Variants in FADS1 observed in about 807,000 individuals in gnomAD.
FADS1 encodes the protein fatty acid desaturase 1.
FADS1 carries 17 observed loss-of-function variants against 61.6 expected under a neutral mutation model. The observed-to-expected ratio is 0.28, with a 90% confidence interval of 0.19 to 0.41. The LOEUF is 0.41. FADS1 is among the 10% of genes least tolerant of loss of function. The probability of loss-of-function intolerance (pLI) is 1.00; values close to 1 mark genes in which losing one functional copy is unlikely to be tolerated. For missense variants in FADS1, 387 were observed against 650.9 expected, an observed-to-expected ratio of 0.59 and a Z score of 4.41; for synonymous variants, 238 against 258.7, an observed-to-expected ratio of 0.92 and a Z score of 0.77.
Position 61,803,223 on chromosome 11 carries a change from C to T in FADS1, c.1249-112G>A. 8.0e-7 allele frequency: 1 copy of T among 1,251,650 alleles called. No individual in the cohort carries two copies. The allele number at this position is 1,251,650 out of a possible 1,614,324, so 77.5% of individuals were successfully genotyped here. On this transcript the variant is annotated intron_variant, in intron 9 of 11. Coordinates refer to ENST00000350997, the MANE Select transcript of FADS1 (RefSeq NM_013402.7). This position sits in a 1 kb window ranked among gnomAD's most constrained non-coding sequence, Gnocchi z 4.3. Reference sequence around the variant, plus strand: ...GGACATGAGACTGTCTTGGTCACTCCCTTCACATGGTTGCAGAACAAGAGC... The same window carrying T: ...GGACATGAGACTGTCTTGGTCACTCTCTTCACATGGTTGCAGAACAAGAGC...
At chr11:61,814,806 A>G (rs2066962116) in intron 1 of FADS1, 1 of 152,220 alleles carries the variant, frequency 6.6e-6, no homozygotes, top group African/African-American at 2.4e-5. Context: ...CTCTAGATAC[A>G]GAAAAGTTCT....
chr11:61,812,201 A>G (rs1162821147), intron 3 of FADS1, among the ~76,000 whole-genome samples: 1 of 152,246 alleles, frequency 6.6e-6, no homozygotes, highest in African/African-American at 2.4e-5. Context: ...CTCCTGGCAC[A>G]GGTGGGCTGT....
chr11:61,816,524 C>T lies in FADS1; in HGVS notation c.375+31G>A, dbSNP rs2066985563. ...CCTGCACTCAGCCTCCGGTCCCGCC[C>T]TCTCCTGTGCCCCCGCCTGGCTGCG... On this transcript the variant is annotated intron_variant, in intron 1 of 11. Coordinates refer to ENST00000350997, the MANE Select transcript of FADS1 (RefSeq NM_013402.7). This position sits in a 1 kb window ranked among gnomAD's most constrained non-coding sequence, Gnocchi z 7.0. 1 of 1,596,950 alleles carries T rather than the reference C, an allele frequency of 6.3e-7. No individual in the cohort carries two copies. The highest frequency in any genetic ancestry group is 8.5e-7 in the Non-Finnish European group (1 of 1,173,668).
At position 61,803,307 on chromosome 11, in the gene FADS1, C is replaced by T. The variant is rs1483794647; in HGVS notation, c.1248+56G>A. 15 of 1,457,566 alleles carry T rather than the reference C, an allele frequency of 1.0e-5. No individual in the cohort carries two copies. The highest frequency in any genetic ancestry group is 2.3e-5 in the South Asian group (2 of 87,848). 90.3% of individuals were successfully genotyped at this position (1,457,566 alleles called of 1,614,324 possible). Reference sequence around the variant, plus strand: ...TTTTTGTTTTTGCTGTTTTCACCTACGCATCCTTTTCAATAGTTGTGTTAT... The same window carrying T: ...TTTTTGTTTTTGCTGTTTTCACCTATGCATCCTTTTCAATAGTTGTGTTAT... On this transcript the variant is annotated intron_variant, in intron 9 of 11. Coordinates refer to ENST00000350997, the MANE Select transcript of FADS1 (RefSeq NM_013402.7). This position sits in a 1 kb window ranked among gnomAD's most constrained non-coding sequence, Gnocchi z 4.3.
intron 1 of FADS1, 179 bp from the exon 2 acceptor site, chr11:61,813,532 GGTTT>G (rs2066946777): frequency 1.7e-6 from 1 of 585,262 alleles, no homozygotes. Context: ...TGTAGCTAGA[GGTTT>G]GTAAAATGCA....
At chr11:61,805,500 A>G (rs761497566) in intron 6 of FADS1, 2 of 152,178 alleles carry the variant, frequency 1.3e-5, no homozygotes, top group Non-Finnish European at 2.9e-5. Context: ...TAGCATGACA[A>G]TGCTCACCCA....
chr11:61,813,160 GAT>G, intron 2 of FADS1, 81 bp downstream of exon 2: 2 of 842,316 alleles, frequency 2.4e-6, no homozygotes, highest in Non-Finnish European at 4.1e-6. Flanking sequence ...CTATGACTGT[GAT>G]CCCATCTAGA....
chr11:61,809,807 A>G (rs2066919323), intron 5 of FADS1, among the ~76,000 whole-genome samples: 1 of 152,180 alleles, frequency 6.6e-6, no homozygotes, highest in Non-Finnish European at 1.5e-5. Flanking sequence ...CATGATGGGA[A>G]AATAAGAACA....
rs1264502464 is a variant in FADS1, at chr11:61,801,685, C to CT, written c.*725dup. The CT allele has an allele frequency of 1.3e-5, 2 of 152,612 alleles. No individual in the cohort carries two copies. The highest frequency in any genetic ancestry group is 3.8e-4 in the East Asian group (2 of 5,332). 9.5% of individuals were successfully genotyped at this position (152,612 alleles called of 1,614,324 possible). ...AGCCTAAGGCAGACATAGGTCATAC[C>CT]TATCCCTGGGCAGCGAGCTGAGCTC... On this transcript the variant is annotated 3_prime_UTR_variant, in exon 12 of 12. Coordinates refer to ENST00000350997, the MANE Select transcript of FADS1 (RefSeq NM_013402.7).
chr11:61,803,082 A>G lies in FADS1; in HGVS notation c.1278T>C (p.Ser426=). Residue 426 remains serine, a synonymous_variant, in exon 10 of 12, where the codon TCT becomes TCC. Coordinates refer to ENST00000350997, the MANE Select transcript of FADS1 (RefSeq NM_013402.7). The surrounding 1 kb of genome is among the most constrained non-coding windows in gnomAD (Gnocchi z 4.3). ...GTCCACTGAACCAGTCATTGAAGGC[A>G]GACTTGTGGACATTGCATGTGGCCT... ...QLQATCNVHK[S]AFNDWFSGHL... 6.2e-7 allele frequency: 1 copy of G among 1,614,152 alleles called. No homozygotes were observed. The highest frequency in any genetic ancestry group is 8.5e-7 in the Non-Finnish European group (1 of 1,180,014).
In FADS1 at chr11:61,816,969, C is replaced by T. The variant is rs1163404450; in HGVS notation, c.-40G>A. On this transcript the variant is annotated 5_prime_UTR_variant, in exon 1 of 12. Transcript: ENST00000350997. This position sits in a 1 kb window ranked among gnomAD's most constrained non-coding sequence, Gnocchi z 7.0. ...GGCGCGGGGAGCGAGATCCCGTCCC[C>T]CGGTGGGTCTTGGGCAACTCACAGC... 6 of 1,369,142 alleles carry T rather than the reference C, an allele frequency of 4.4e-6. No homozygotes were observed. The South Asian group carries it at 6.8e-5, about 16-fold the overall frequency. 84.8% of individuals were successfully genotyped at this position (1,369,142 alleles called of 1,614,324 possible).
Position 61,802,550 on chromosome 11 carries a change from C to T in FADS1, c.1455-88G>A. On this transcript the variant is annotated intron_variant, in intron 11 of 11. Coordinates refer to ENST00000350997, the MANE Select transcript of FADS1 (RefSeq NM_013402.7). This position sits in a 1 kb window ranked among gnomAD's most constrained non-coding sequence, Gnocchi z 4.2. ...GGAGCAGTGAGGTTAAGGCCTTCTT[C>T]CATCTGGAGGTTTTCCTCCCCTCTA... 1.5e-6 allele frequency: 2 copies of T among 1,347,334 alleles called. No individual in the cohort carries two copies. The highest frequency in any genetic ancestry group is 2.1e-6 in the Non-Finnish European group (2 of 962,970). 83.5% of individuals were successfully genotyped at this position (1,347,334 alleles called of 1,614,324 possible).
chr11:61,807,693 C>T (rs1161376508), intron 5 of FADS1, among the ~76,000 whole-genome samples: 2 of 152,164 alleles, frequency 1.3e-5, no homozygotes, highest in Non-Finnish European at 2.9e-5. Context: ...CTGATGTGGG[C>T]TCACAAACAA....
Position 61,815,565 on chromosome 11 carries a change from G to A in FADS1, c.375+990C>T. Reference sequence around the variant, plus strand: ...AGAGGGGGATGCAAGGGGAGGGGACGCCATTCTGGCCGCCAAGGGGGAAAC... The same window carrying A: ...AGAGGGGGATGCAAGGGGAGGGGACACCATTCTGGCCGCCAAGGGGGAAAC... On this transcript the variant is annotated intron_variant, in intron 1 of 11. Transcript: ENST00000350997. The surrounding 1 kb of genome is among the most constrained non-coding windows in gnomAD (Gnocchi z 6.4). 6.5e-6 allele frequency: 1 copy of A among 152,910 alleles called. No individual in the cohort carries two copies. The highest frequency in any genetic ancestry group is 1.5e-5 in the Non-Finnish European group (1 of 68,494). The allele number at this position is 152,910 out of a possible 1,614,324, so 9.5% of individuals were successfully genotyped here.
intron 6 of FADS1, chr11:61,805,603 G>C (rs568602481): frequency 2.0e-5 from 3 of 152,134 alleles, no homozygotes; most frequent in Non-Finnish European, 2.9e-5. Flanking sequence ...TTCTCTATTC[G>C]TGATAGTTGG....
rs1320326065 is a variant in FADS1 at position 61,816,443 on chromosome 11, C to T, written c.375+112G>A. 2 of 1,599,490 alleles carry T rather than the reference C, an allele frequency of 1.3e-6. No individual in the cohort carries two copies. Among genetic ancestry groups the T allele is most frequent in the Non-Finnish European group, 1.7e-6 (2 of 1,179,788 alleles). On this transcript the variant is annotated intron_variant, in intron 1 of 11. Transcript: ENST00000350997. The surrounding 1 kb of genome is among the most constrained non-coding windows in gnomAD (Gnocchi z 7.0). Reference sequence around the variant, plus strand: ...GGGCAACAGGTATGATCAGGCGCCTCCGGGCTTTCCTCCGAATTAGTCGGT... The same window carrying T: ...GGGCAACAGGTATGATCAGGCGCCTTCGGGCTTTCCTCCGAATTAGTCGGT...
chr11:61,816,397 T>G lies in FADS1; in HGVS notation c.375+158A>C, dbSNP rs1248737090. On this transcript the variant is annotated intron_variant, in intron 1 of 11. Transcript: ENST00000350997. This position sits in a 1 kb window ranked among gnomAD's most constrained non-coding sequence, Gnocchi z 7.0. ...CTCTCTCCCGCCTTTTCATCCCGCA[T>G]CCGCAGGACACCCAATCACCGGGCA... 1.2e-5 allele frequency: 19 copies of G among 1,598,524 alleles called. No homozygotes were observed. The highest frequency in any genetic ancestry group is 1.6e-5 in the Non-Finnish European group (19 of 1,179,798).
At chr11:61,812,800 C>T in intron 2 of FADS1, 132 bp from the exon 3 acceptor site, 1 of 732,410 alleles carries the variant, frequency 1.4e-6, no homozygotes, top group East Asian at 2.7e-5. Flanking sequence ...GGCAAAGATA[C>T]CACGACAATG....
chr11:61,815,803 A>G lies in FADS1; in HGVS notation c.375+752T>C. The stretch of plus-strand genomic sequence containing the variant: ...GGGCCTACCGCCCCAGAGCGTAAAC[A>G]GCGGTCCGCTCCGCGGAATAGCTGA... On this transcript the variant is annotated intron_variant, in intron 1 of 11. Coordinates refer to ENST00000350997, the MANE Select transcript of FADS1 (RefSeq NM_013402.7). This position sits in a 1 kb window ranked among gnomAD's most constrained non-coding sequence, Gnocchi z 6.4. 6.0e-6 allele frequency: 1 copy of G among 167,122 alleles called. No homozygotes were observed. Among genetic ancestry groups the G allele is most frequent in the South Asian group, 1.4e-4 (1 of 7,128 alleles). 10.4% of individuals were successfully genotyped at this position (167,122 alleles called of 1,614,324 possible).
Sources: gnomAD v4.1 joint callset for allele counts (sites outside exome capture counted in the v4.1 genomes callset) on GRCh38, gnomAD v4.1.1 for gene constraint, Gnocchi (gnomAD v3.1) non-coding constraint, MANE v1.5 for transcripts, NCBI Gene and HGNC (gene_info 2026-07-23, HGNC 2026-07-21) for gene names.